Variants in MPP7 observed in about 807,000 individuals in gnomAD.
MPP7 encodes the protein MAGUK p55 subfamily member 7.
A neutral mutation model predicts 76.5 loss-of-function variants in MPP7; 60 were observed. The observed-to-expected ratio is 0.78, with a 90% CI of 0.64 to 0.97. The LOEUF (loss-of-function observed/expected upper bound fraction) is 0.97, where lower values mean the gene tolerates loss of function less well. MPP7 is among the 50% of genes least tolerant of loss of function. MPP7 has a pLI of 0.00. For synonymous variants in MPP7, 237 were observed against 244.5 expected, an observed-to-expected ratio of 0.97 and a Z score of 0.29; for missense variants, 641 against 694.0, an observed-to-expected ratio of 0.92 and a Z score of 0.86.
intron 2 of MPP7, among the ~76,000 whole-genome samples, chr10:28,216,799 A>C (rs1485332368): frequency 6.6e-6 from 1 of 152,174 alleles, no homozygotes; most frequent in Non-Finnish European, 1.5e-5. Flanking sequence ...TAACTCTTGA[A>C]GTGACAGCAC....
intron 1 of MPP7, among the ~76,000 whole-genome samples, chr10:28,281,236 C>A (rs544586351): frequency 5.3e-4 from 80 of 152,008 alleles, no homozygotes; most frequent in Non-Finnish European, 1.1e-3. Flanking sequence ...CACGCCACTA[C>A]ACCTGGCAAA....
rs41307549 is a variant in MPP7, at chr10:28,147,571, G to A, written c.235-8C>T. The A allele has an allele frequency of 6.1e-4, 992 of 1,613,144 alleles. No homozygotes were observed. Among genetic ancestry groups the A allele is most frequent in the Non-Finnish European group, 7.8e-4 (919 of 1,179,202 alleles). ...CTGAAGCTCTTCGGCCAGCTGCAAC[G>A]GAGATTACATTGACTTAAAGAACAT... On this transcript the variant is annotated splice_region_variant and splice_polypyrimidine_tract_variant and intron_variant, in intron 4 of 16. Coordinates refer to ENST00000683449, the MANE Select transcript of MPP7 (RefSeq NM_001318170.2).
At chr10:28,152,375 C>T (rs1245412267) in intron 3 of MPP7, among the ~76,000 whole-genome samples, 1 of 152,150 alleles carries the variant, frequency 6.6e-6, no homozygotes, top group African/African-American at 2.4e-5. Flanking sequence ...TAAAAATTTA[C>T]TCTAAATAAT....
At chr10:28,167,239 A>T (rs981485829) in intron 3 of MPP7, among the ~76,000 whole-genome samples, 3 of 151,274 alleles carry the variant, frequency 2.0e-5, no homozygotes, top group Non-Finnish European at 4.4e-5. Context: ...TGAACCCAGG[A>T]GGTGGAGGTT....
intron 3 of MPP7, among the ~76,000 whole-genome samples, chr10:28,184,108 T>A (rs1002612448): frequency 1.3e-4 from 20 of 150,138 alleles, no homozygotes; most frequent in African/African-American, 4.9e-4. Context: ...TATTTATATA[T>A]AAAGACAATA....
At chr10:28,094,415 T>G (rs989814038) in intron 11 of MPP7, among the ~76,000 whole-genome samples, 1 of 152,198 alleles carries the variant, frequency 6.6e-6, no homozygotes, top group Non-Finnish European at 1.5e-5. Flanking sequence ...AAGGCTCATT[T>G]CCTCTACTTT....
chr10:28,262,570 TTTGGAAGCC>T (rs1376078024), intron 1 of MPP7, among the ~76,000 whole-genome samples: 2 of 152,102 alleles, frequency 1.3e-5, no homozygotes, highest in Admixed American at 1.3e-4. Context: ...CCTTTGGCCC[TTTGGAAGCC>T]ACAGACATTT....
At chr10:28,254,367 G>A (rs1363073624) in intron 1 of MPP7, among the ~76,000 whole-genome samples, 1 of 152,174 alleles carries the variant, frequency 6.6e-6, no homozygotes, top group Non-Finnish European at 1.5e-5. Context: ...GAAAAGTAAT[G>A]ATGTTATATT....
At chr10:28,245,772 C>T (rs1293529474) in intron 1 of MPP7, among the ~76,000 whole-genome samples, 5 of 151,014 alleles carry the variant, frequency 3.3e-5, no homozygotes, top group Admixed American at 3.3e-4. Flanking sequence ...AAAATAACAA[C>T]AGAATCAGAG....
Position 28,124,625 on chromosome 10 carries a change from G to A in MPP7, c.529+385C>T, listed in dbSNP as rs1192731728. Among the ~76,000 whole-genome samples, 8 of 150,320 alleles carry A rather than the reference G, an allele frequency of 5.3e-5. No individual in the cohort carries two copies. In the East Asian group the frequency reaches 1.4e-3, roughly 26 times the overall value. On this transcript the variant is annotated intron_variant, in intron 7 of 16. Coordinates refer to ENST00000683449, the MANE Select transcript of MPP7 (RefSeq NM_001318170.2). ...CAAGTAGCTGATACTACAGGTGCCC[G>A]CCACCACACTTGACTAATTTTTTTT... is the stretch of plus-strand genomic sequence containing the variant.
chr10:28,240,536 G>A (rs1839233891), intron 1 of MPP7, among the ~76,000 whole-genome samples: 1 of 152,030 alleles, frequency 6.6e-6, no homozygotes, highest in African/African-American at 2.4e-5. Flanking sequence ...AATCCATATA[G>A]AAAAGAGTGC....
intron 12 of MPP7, among the ~76,000 whole-genome samples, chr10:28,083,618 A>G (rs191657549): frequency 2.1e-4 from 30 of 143,338 alleles, no homozygotes; most frequent in African/African-American, 7.8e-4. Context: ...GCTCACCGCA[A>G]CCTCTGCCTC....
chr10:28,121,682 A>G (rs375434520), intron 8 of MPP7, among the ~76,000 whole-genome samples: 2 of 152,096 alleles, frequency 1.3e-5, no homozygotes, highest in South Asian at 4.2e-4. Context: ...ACTCCTGCTA[A>G]TTTGTAAGCT....
chr10:28,120,091 C>T (rs1834783747), intron 10 of MPP7, 103 bp downstream of exon 10: 1 of 1,266,202 alleles, frequency 7.9e-7, no homozygotes, highest in Non-Finnish European at 1.1e-6. Flanking sequence ...AATTCTAAGG[C>T]AAGGTTTTAT....
chr10:28,176,110 T>C (rs1012702671), intron 3 of MPP7, among the ~76,000 whole-genome samples: 1 of 152,178 alleles, frequency 6.6e-6, no homozygotes, highest in Admixed American at 6.5e-5. Context: ...AAGGAATTCC[T>C]ATTGGTCACT....
At chr10:28,287,395 G>C (rs769610619) in intron 1 of MPP7, among the ~76,000 whole-genome samples, 1 of 152,176 alleles carries the variant, frequency 6.6e-6, no homozygotes, top group Non-Finnish European at 1.5e-5. Flanking sequence ...TGATGGACAC[G>C]TTTATCACCT....
intron 14 of MPP7, 76 bp downstream of exon 14, chr10:28,059,574 C>T (rs771002665): frequency 9.7e-6 from 8 of 828,658 alleles, no homozygotes; most frequent in Non-Finnish European, 1.4e-5. Context: ...ATGGAGAACT[C>T]TCAGTTGTCT....
intron 3 of MPP7, among the ~76,000 whole-genome samples, chr10:28,161,980 C>T (rs1836278393): frequency 6.6e-6 from 1 of 152,120 alleles, no homozygotes; most frequent in South Asian, 2.1e-4. Flanking sequence ...AGTTTACACA[C>T]CCAGAAAATC....
At chr10:28,248,856 C>T (rs1460838833) in intron 1 of MPP7, among the ~76,000 whole-genome samples, 1 of 152,146 alleles carries the variant, frequency 6.6e-6, no homozygotes, top group East Asian at 1.9e-4. Flanking sequence ...TGGGCTCTGC[C>T]ATTTGGGTTT....
Sources: gnomAD v4.1 joint callset for allele counts (sites outside exome capture counted in the v4.1 genomes callset) on GRCh38, gnomAD v4.1.1 for gene constraint, MANE v1.5 for transcripts, NCBI Gene and HGNC (gene_info 2026-07-23, HGNC 2026-07-21) for gene names.